TRDN: variants seen among roughly 807,000 people sequenced by gnomAD.
The protein encoded by TRDN is triadin in skeletal muscle.
TRDN carries 161 observed loss-of-function variants against 149.7 expected under a neutral mutation model. The observed-to-expected ratio is 1.08, with a 90% CI of 0.95 to 1.23. The LOEUF (loss-of-function observed/expected upper bound fraction) is 1.23. Among genes scored for constraint, TRDN ranks in the 50% most tolerant of loss-of-function variants. The probability of loss-of-function intolerance (pLI) is 0.00; values close to 1 mark genes in which losing one functional copy is unlikely to be tolerated. For missense variants in TRDN, 896 were observed against 823.5 expected, an observed-to-expected ratio of 1.09 and a Z score of -1.08; for synonymous variants, 294 against 250.5, an observed-to-expected ratio of 1.17 and a Z score of -1.64.
intron 10 of TRDN, among the ~76,000 whole-genome samples, chr6:123,458,683 A>G (rs986155084): frequency 6.6e-6 from 1 of 152,164 alleles, no homozygotes; most frequent in African/African-American, 2.4e-5. Flanking sequence ...TGCTGACTAA[A>G]TCAATGTGTT....
intron 2 of TRDN, among the ~76,000 whole-genome samples, chr6:123,557,470 T>C (rs924926914): frequency 1.3e-5 from 2 of 152,066 alleles, no homozygotes; most frequent in Admixed American, 1.3e-4. Context: ...AACCTCTTTC[T>C]CCTTTCAATC....
rs191637852 is a variant in TRDN at position 123,488,815 on chromosome 6, C to A, written c.853+8378G>T. On this transcript the variant is annotated intron_variant, in intron 9 of 40. Transcript: ENST00000334268. ...AGATAGATTTGGTATAAAGATAATACTGAAGACTGTGGAATTCGGCAGTCT... is the reference window on the plus strand; with the variant it reads ...AGATAGATTTGGTATAAAGATAATAATGAAGACTGTGGAATTCGGCAGTCT... 12 of 151,108 alleles carry A rather than the reference C, an allele frequency of 7.9e-5. No homozygotes were observed. In the Admixed American group the frequency reaches 7.9e-4, roughly 10 times the overall value. The allele number at this position is 151,108 out of a possible 1,614,324, so 9.4% of individuals were successfully genotyped here.
chr6:123,434,909 T>C (rs1774489796), intron 12 of TRDN, among the ~76,000 whole-genome samples: 1 of 151,828 alleles, frequency 6.6e-6, no homozygotes, highest in African/African-American at 2.4e-5. Flanking sequence ...CCCTATTAAT[T>C]AATGGGTTGG....
intron 12 of TRDN, among the ~76,000 whole-genome samples, chr6:123,419,403 G>T (rs958187884): frequency 6.6e-6 from 1 of 152,052 alleles, no homozygotes; most frequent in Non-Finnish European, 1.5e-5. Flanking sequence ...TAGAGACAGG[G>T]TCTCACTCTG....
intron 10 of TRDN, among the ~76,000 whole-genome samples, chr6:123,455,765 A>G (rs1315666353): frequency 1.3e-5 from 2 of 152,230 alleles, no homozygotes; most frequent in African/African-American, 2.4e-5. Flanking sequence ...TCTTGTAGAA[A>G]TAGTAAAGAA....
At chr6:123,484,237 A>C (rs899615350) in intron 9 of TRDN, among the ~76,000 whole-genome samples, 1 of 152,174 alleles carries the variant, frequency 6.6e-6, no homozygotes, top group Middle Eastern at 3.2e-3. Flanking sequence ...AGGTATGGGC[A>C]TATTTATTAT....
rs3813326 is a variant in TRDN at position 123,524,276 on chromosome 6, T to C, written c.484+6230A>G. 2.4e-3 allele frequency among the ~76,000 whole-genome samples: 373 copies of C among 152,258 alleles called. 11 individuals are homozygous for C. In the East Asian group the frequency reaches 0.049, roughly 20 times the overall value. On this transcript the variant is annotated intron_variant, in intron 5 of 40. Coordinates refer to ENST00000334268, the MANE Select transcript of TRDN (RefSeq NM_006073.4). ...TTAATATGGGCTTGAATACATTAGATGAAAGAAGTCTGTTAGTTACCTGTG... is the reference window on the plus strand; with the variant it reads ...TTAATATGGGCTTGAATACATTAGACGAAAGAAGTCTGTTAGTTACCTGTG...
intron 24 of TRDN, among the ~76,000 whole-genome samples, chr6:123,312,948 T>A (rs1778887914): frequency 6.6e-6 from 1 of 152,030 alleles, no homozygotes; most frequent in African/African-American, 2.4e-5. Context: ...ATGTTTTCAA[T>A]AAGTTGTTGA....
At chr6:123,613,769 G>T (rs1409085873) in intron 1 of TRDN, among the ~76,000 whole-genome samples, 2 of 151,928 alleles carry the variant, frequency 1.3e-5, no homozygotes, top group Non-Finnish European at 2.9e-5. Flanking sequence ...ATTGTTTTTA[G>T]ATTTGGCAGG....
At chr6:123,629,438 A>G (rs1402618599) in intron 1 of TRDN, among the ~76,000 whole-genome samples, 1 of 152,168 alleles carries the variant, frequency 6.6e-6, no homozygotes, top group Non-Finnish European at 1.5e-5. Context: ...CGTAGCAAAG[A>G]TAAAACTGGT....
At chr6:123,262,783 T>A (rs984096533) in intron 33 of TRDN, among the ~76,000 whole-genome samples, 5 of 152,086 alleles carry the variant, frequency 3.3e-5, no homozygotes, top group Admixed American at 1.3e-4. Flanking sequence ...TGGTCTGTGA[T>A]CAGTGATCTT....
At chr6:123,615,575 G>T (rs1346820924) in intron 1 of TRDN, among the ~76,000 whole-genome samples, 1 of 151,860 alleles carries the variant, frequency 6.6e-6, no homozygotes, top group Non-Finnish European at 1.5e-5. Flanking sequence ...AATATTATTT[G>T]TCCCTAAAAA....
At chr6:123,414,604 T>C (rs565632354) in intron 12 of TRDN, among the ~76,000 whole-genome samples, 1 of 152,044 alleles carries the variant, frequency 6.6e-6, no homozygotes, top group African/African-American at 2.4e-5. Flanking sequence ...TAATAAAGAG[T>C]TCCCAATCAA....
intron 12 of TRDN, among the ~76,000 whole-genome samples, chr6:123,433,423 C>G (rs866868053): frequency 7.9e-5 from 12 of 152,012 alleles, no homozygotes; most frequent in Middle Eastern, 6.8e-3. Context: ...AAACTGTAAG[C>G]TCCATTAGGG....
intron 19 of TRDN, among the ~76,000 whole-genome samples, chr6:123,368,614 A>G (rs1781204068): frequency 6.6e-6 from 1 of 152,056 alleles, no homozygotes; most frequent in African/African-American, 2.4e-5. Context: ...CAATTACATG[A>G]TCTCTGACCT....
At chr6:123,234,399 C>T (rs1369837046) in intron 38 of TRDN, among the ~76,000 whole-genome samples, 1 of 152,008 alleles carries the variant, frequency 6.6e-6, no homozygotes, top group African/African-American at 2.4e-5. Context: ...CAGAAATAAG[C>T]TTTCATCCAT....
intron 12 of TRDN, among the ~76,000 whole-genome samples, chr6:123,434,764 GA>G (rs1475340830): frequency 1.3e-5 from 2 of 151,676 alleles, no homozygotes; most frequent in African/African-American, 4.9e-5. Context: ...ATACCAAGAT[GA>G]TTTTTTTTTA....
intron 8 of TRDN, chr6:123,503,241 A>G: frequency 2.0e-6 from 2 of 984,978 alleles, no homozygotes; most frequent in African/African-American, 1.7e-5. Context: ...TATATTCTAA[A>G]TGATGTGCTC....
chr6:123,255,938 T>A (rs1562232596), intron 35 of TRDN, 36 bp from the exon 36 acceptor site: 15 of 1,144,770 alleles, frequency 1.3e-5, no homozygotes, highest in East Asian at 3.3e-5. Context: ...TAATTTATTT[T>A]TTTATTTATT....
Sources: gnomAD v4.1 joint callset for allele counts (sites outside exome capture counted in the v4.1 genomes callset) on GRCh38, gnomAD v4.1.1 for gene constraint, MANE v1.5 for transcripts, NCBI Gene and HGNC (gene_info 2026-07-23, HGNC 2026-07-21) for gene names.